Variants in LAMA3 observed in about 807,000 individuals in gnomAD.
LAMA3 encodes laminin subunit alpha 3.
A neutral mutation model predicts 402.0 loss-of-function variants in LAMA3; 281 were observed. The observed-to-expected ratio is 0.70, with a 90% CI of 0.63 to 0.77. LAMA3 has a LOEUF of 0.77. LAMA3 is among the 30% of genes least tolerant of loss of function. The pLI, the probability that LAMA3 is intolerant of heterozygous loss-of-function variation, is 0.00. For synonymous variants in LAMA3, 1,431 were observed against 1,558.4 expected, an observed-to-expected ratio of 0.92 and a Z score of 1.93; for missense variants, 3,840 against 4,215.5, an observed-to-expected ratio of 0.91 and a Z score of 2.47.
rs544262560 is a variant in LAMA3 at position 23,827,719 on chromosome 18, C to A, written c.2823+252C>A. ...GATGTGGGCATCTATAGAATCCTTTCTTTTTGGTTATCTGGACTTAGAAGG... is the reference window on the plus strand; with the variant it reads ...GATGTGGGCATCTATAGAATCCTTTATTTTTGGTTATCTGGACTTAGAAGG... On this transcript the variant is annotated intron_variant, in intron 23 of 74. Coordinates refer to ENST00000313654, the MANE Select transcript of LAMA3 (RefSeq NM_198129.4). Among the ~76,000 whole-genome samples, 139 of 152,118 alleles carry A rather than the reference C, an allele frequency of 9.1e-4. 1 individual carries two copies. Among genetic ancestry groups the A allele is most frequent in the Non-Finnish European group, 1.4e-3 (93 of 67,986 alleles).
At chr18:23,803,448 G>T (rs9807659) in intron 12 of LAMA3, among the ~76,000 whole-genome samples, 39,613 of 152,010 alleles carry the variant, frequency 0.26, 7,918 homozygotes, top group East Asian at 0.65. Context: ...AGAGGCTGCC[G>T]GGTATCCACA....
chr18:23,901,293 A>G lies in LAMA3; in HGVS notation c.6171A>G (p.Gln2057=), dbSNP rs1279607534. ...AQAKQANGLN[Q]ENERALGAIQ... is the part of the protein sequence containing the mutation. ...CCAAGCAGGCAAATGGCTTGAACCA[A>G]GAAAACGAGAGAGCTTTGGGAGCCA... The change falls in exon 48 of 75, where the codon CAA becomes CAG. Residue 2057 remains glutamine (Q), a synonymous_variant. Coordinates refer to ENST00000313654, the MANE Select transcript of LAMA3 (RefSeq NM_198129.4). 6.2e-7 allele frequency: 1 copy of G among 1,614,066 alleles called. No homozygotes were observed. The highest frequency in any genetic ancestry group is 8.5e-7 in the Non-Finnish European group (1 of 1,180,048).
At chr18:23,836,770 A>G (rs2063589183) in intron 24 of LAMA3, among the ~76,000 whole-genome samples, 1 of 152,214 alleles carries the variant, frequency 6.6e-6, no homozygotes. Context: ...TTTAGCCCTG[A>G]GAGGTACAAC....
chr18:23,720,472 A>G (rs1334423230), intron 2 of LAMA3, among the ~76,000 whole-genome samples: 10 of 152,090 alleles, frequency 6.6e-5, no homozygotes, highest in Admixed American at 6.5e-4. Context: ...CTCCTGCCTC[A>G]GCCTCCCGAG....
Position 23,894,966 on chromosome 18 carries a change from C to T in LAMA3, c.5521C>T (p.Arg1841Cys), listed in dbSNP as rs758463106. 1.9e-5 allele frequency: 30 copies of T among 1,613,978 alleles called. No individual in the cohort carries two copies. The East Asian group carries it at 2.2e-4, about 12-fold the overall frequency. The change falls in exon 44 of 75, where the codon CGC becomes TGC. Residue 1841 changes from arginine (R) to cysteine (C), a missense_variant. By Grantham distance (180) the Arg-to-Cys change is radical (BLOSUM62 -3). Coordinates refer to ENST00000313654, the MANE Select transcript of LAMA3 (RefSeq NM_198129.4). The part of the protein sequence containing the change: ...NDLATMGEQL[R>C]LVKSQLQGLS... ...CCTGGCCACCATGGGCGAGCAGCTCCGCCTGGTCAAGTCTCAGCTGCAGGG... is the reference window on the plus strand; with the variant it reads ...CCTGGCCACCATGGGCGAGCAGCTCTGCCTGGTCAAGTCTCAGCTGCAGGG...
intron 62 of LAMA3, 57 bp from the exon 63 acceptor site, chr18:23,928,066 G>T: frequency 8.1e-7 from 1 of 1,230,204 alleles, no homozygotes; most frequent in South Asian, 1.2e-5. Flanking sequence ...TTTCAGCTCT[G>T]ATTTCACGTG....
chr18:23,834,003 C>G lies in LAMA3; in HGVS notation c.2984+15C>G. The G allele has an allele frequency of 1.2e-6, 2 of 1,613,924 alleles. No individual in the cohort carries two copies. Among genetic ancestry groups the G allele is most frequent in the Non-Finnish European group, 1.7e-6 (2 of 1,179,822 alleles). On this transcript the variant is annotated intron_variant, in intron 24 of 74. Coordinates refer to ENST00000313654, the MANE Select transcript of LAMA3 (RefSeq NM_198129.4). ...TGCAACTACAGGTACTCAGCCCCAC[C>G]AAGGGAATTCCTCTGTAAAGGAACA...
chr18:23,780,006 C>G (rs1251203895), intron 11 of LAMA3, among the ~76,000 whole-genome samples: 2 of 152,206 alleles, frequency 1.3e-5, no homozygotes, highest in African/African-American at 4.8e-5. Context: ...GCTTAGAGAC[C>G]TGCCCGCTAA....
chr18:23,904,699 G>T lies in LAMA3; in HGVS notation c.6615+5G>T, dbSNP rs1410887961. 2.5e-6 allele frequency: 4 copies of T among 1,613,786 alleles called. No homozygotes were observed. The highest frequency in any genetic ancestry group is 3.4e-6 in the Non-Finnish European group (4 of 1,179,950). On this transcript the variant is annotated splice_donor_5th_base_variant and intron_variant, in intron 51 of 74. Coordinates refer to ENST00000313654, the MANE Select transcript of LAMA3 (RefSeq NM_198129.4). The stretch of plus-strand genomic sequence containing the variant: ...GCATCTGAATCTGCCCTCCAGGTGG[G>T]CACCTGTACCAGCAGCTTCTCCACA...
chr18:23,841,907 G>T (rs1204216404), intron 27 of LAMA3, among the ~76,000 whole-genome samples: 1 of 151,946 alleles, frequency 6.6e-6, no homozygotes, highest in Non-Finnish European at 1.5e-5. Flanking sequence ...GGGTGACAGA[G>T]TGAGACCTCG....
In LAMA3 at chr18:23,810,391, C is replaced by T. The variant is rs767111099; in HGVS notation, c.1629C>T (p.Ser543=). Residue 543 remains serine (S), a synonymous_variant, in exon 13 of 75, where the codon TCC becomes TCT. Transcript: ENST00000313654. ...CCTGCTGGTGTTCAGCCCTTGGATC[C>T]TACCAGATGCCCTGCAGCTCAGTGA... ...CQACWCSALG[S]YQMPCSSVTG... is the part of the protein sequence containing the mutation. 12 of 1,614,182 alleles carry T rather than the reference C, an allele frequency of 7.4e-6. No individual in the cohort carries two copies. The highest frequency in any genetic ancestry group is 1.0e-5 in the Non-Finnish European group (12 of 1,180,032).
intron 26 of LAMA3, 110 bp downstream of exon 26, chr18:23,838,988 A>G: frequency 2.6e-6 from 2 of 758,270 alleles, no homozygotes. Flanking sequence ...CCAAGGTGCT[A>G]AAGTCTGGTG....
intron 36 of LAMA3, among the ~76,000 whole-genome samples, chr18:23,866,225 A>G (rs1217033151): frequency 6.6e-6 from 1 of 152,256 alleles, no homozygotes; most frequent in Non-Finnish European, 1.5e-5. Context: ...CCCACGACAC[A>G]GGGCATAATA....
rs117567580 is a variant in LAMA3 at position 23,750,172 on chromosome 18, A to G, written c.684+626A>G. 4.5e-4 allele frequency among the ~76,000 whole-genome samples: 68 copies of G among 152,318 alleles called. 1 individual carries two copies. In the East Asian group the frequency reaches 6.6e-3, roughly 15 times the overall value. On this transcript the variant is annotated intron_variant, in intron 4 of 74. Coordinates refer to ENST00000313654, the MANE Select transcript of LAMA3 (RefSeq NM_198129.4). ...TGGCCCTTGTAAAGTCAGGTTGGCTATTGTTAAGGGAGATGGGCAAACAAA... is the reference window on the plus strand; with the variant it reads ...TGGCCCTTGTAAAGTCAGGTTGGCTGTTGTTAAGGGAGATGGGCAAACAAA...
At chr18:23,772,262 G>C (rs1162950168) in intron 8 of LAMA3, among the ~76,000 whole-genome samples, 1 of 152,098 alleles carries the variant, frequency 6.6e-6, no homozygotes, top group Non-Finnish European at 1.5e-5. Context: ...GGCTGGTCTT[G>C]AACTCCTGAC....
chr18:23,827,717 T>G (rs939140504), intron 23 of LAMA3, among the ~76,000 whole-genome samples: 3 of 152,110 alleles, frequency 2.0e-5, no homozygotes, highest in Non-Finnish European at 4.4e-5. Flanking sequence ...ATAGAATCCT[T>G]TCTTTTTGGT....
intron 8 of LAMA3, among the ~76,000 whole-genome samples, chr18:23,764,987 TAAAC>T (rs563940373): frequency 7.4e-4 from 112 of 152,094 alleles, no homozygotes; most frequent in Non-Finnish European, 2.4e-4. Flanking sequence ...AAAAGACAAA[TAAAC>T]AAATGACAAA....
At chr18:23,762,360 G>A (rs1370633398) in intron 7 of LAMA3, among the ~76,000 whole-genome samples, 3 of 152,094 alleles carry the variant, frequency 2.0e-5, no homozygotes, top group African/African-American at 7.2e-5. Context: ...AGGCCGAGGC[G>A]GGCAGGTCAC....
At chr18:23,723,000 G>A (rs1051385894) in intron 2 of LAMA3, among the ~76,000 whole-genome samples, 2 of 152,140 alleles carry the variant, frequency 1.3e-5, no homozygotes, top group African/African-American at 4.8e-5. Context: ...AGAGGAACCA[G>A]AGCTTTACAT....
Sources: allele counts gnomAD v4.1 joint callset (sites outside exome capture counted in the v4.1 genomes callset), GRCh38; gene constraint gnomAD v4.1.1; transcripts MANE v1.5; gene names NCBI Gene and HGNC (gene_info 2026-07-23, HGNC 2026-07-21).